Variants in XRCC4 observed in about 807,000 individuals in gnomAD.
XRCC4 encodes the protein DNA repair protein XRCC4.
Under a neutral mutation model 39.1 loss-of-function variants are expected in XRCC4, and 28 were observed. The observed-to-expected ratio is 0.72, with a 90% CI of 0.53 to 0.98. XRCC4 has a LOEUF of 0.98. Ranked by LOEUF, XRCC4 falls within the 50% of genes least tolerant of loss-of-function variation. The pLI is 0.00. For missense variants in XRCC4, 350 were observed against 376.4 expected (o/e 0.93, Z 0.58); for synonymous variants, 123 against 126.4 (o/e 0.97, Z 0.18).
rs540379211 is a variant in XRCC4, at chr5:83,341,464, G to T, written c.894-11667G>T. ...TTTCCCAATTAACAGAAATTTTAGT[G>T]TATAATATGTATATGAAAGACTAAG... is the stretch of plus-strand genomic sequence containing the variant. On this transcript the variant is annotated intron_variant, in intron 7 of 7. Coordinates refer to ENST00000396027, the MANE Select transcript of XRCC4 (RefSeq NM_003401.5). Among the ~76,000 whole-genome samples, 3 of 152,220 alleles carry T rather than the reference G, an allele frequency of 2.0e-5. No individual in the cohort carries two copies. The South Asian group carries it at 6.2e-4, about 32-fold the overall frequency.
intron 6 of XRCC4, among the ~76,000 whole-genome samples, chr5:83,227,455 G>C (rs770009106): frequency 6.6e-6 from 1 of 152,014 alleles, no homozygotes; most frequent in African/African-American, 2.4e-5. Flanking sequence ...ACATGTTGTA[G>C]TTATATACTA....
chr5:83,291,951 C>CTGTG (rs34789998), intron 7 of XRCC4, among the ~76,000 whole-genome samples: 5,674 of 143,960 alleles, frequency 0.039, 123 homozygotes, highest in Middle Eastern at 0.076. Context: ...ATGTGTATTT[C>CTGTG]TGTGTGTGTG....
chr5:83,093,876 T>G (rs561029832), intron 1 of XRCC4, among the ~76,000 whole-genome samples: 2 of 152,242 alleles, frequency 1.3e-5, no homozygotes, highest in African/African-American at 4.8e-5. Flanking sequence ...GGGTAAAGTC[T>G]TCTTGGTTGG....
intron 7 of XRCC4, among the ~76,000 whole-genome samples, chr5:83,283,827 T>A (rs1364313833): frequency 6.6e-6 from 1 of 152,092 alleles, no homozygotes; most frequent in Non-Finnish European, 1.5e-5. Flanking sequence ...CACATTGATC[T>A]AACCCCCAAA....
At chr5:83,225,227 AC>A (rs1752241922) in intron 6 of XRCC4, among the ~76,000 whole-genome samples, 1 of 152,092 alleles carries the variant, frequency 6.6e-6, no homozygotes, top group South Asian at 2.1e-4. Flanking sequence ...TCTGGTCAGT[AC>A]CTGGAGACCA....
At position 83,260,960 on chromosome 5, in the gene XRCC4, A is replaced by C. The variant is rs28360239; in HGVS notation, c.893+2283A>C. On this transcript the variant is annotated intron_variant, in intron 7 of 7. Transcript: ENST00000396027. ...TATTAAGAGAAATTTAGCATGTATCAGTCAGATGTTGAGTGGTTGATACCC... is the reference window on the plus strand; with the variant it reads ...TATTAAGAGAAATTTAGCATGTATCCGTCAGATGTTGAGTGGTTGATACCC... 3.1e-3 allele frequency among the ~76,000 whole-genome samples: 469 copies of C among 152,178 alleles called. 2 individuals carry two copies. The highest frequency in any genetic ancestry group is 0.011 in the African/African-American group (449 of 41,560).
intron 7 of XRCC4, among the ~76,000 whole-genome samples, chr5:83,271,741 G>A (rs770764821): frequency 2.0e-5 from 3 of 152,184 alleles, no homozygotes; most frequent in Non-Finnish European, 2.9e-5. Context: ...GGAGGGAAGA[G>A]AGAGAGAGAA....
chr5:83,178,084 G>T (rs1750040657), intron 3 of XRCC4, among the ~76,000 whole-genome samples: 1 of 151,986 alleles, frequency 6.6e-6, no homozygotes, highest in Non-Finnish European at 1.5e-5. Context: ...ATGGATGAGG[G>T]AGATAAGAAG....
At chr5:83,236,333 A>G (rs1314515913) in intron 6 of XRCC4, among the ~76,000 whole-genome samples, 3 of 152,212 alleles carry the variant, frequency 2.0e-5, no homozygotes, top group Admixed American at 2.0e-4. Flanking sequence ...AAATTGTAGT[A>G]ACCAAAAGAG....
the XRCC4 span, among the ~76,000 whole-genome samples, chr5:83,372,054 A>G: frequency 1.3e-5 from 2 of 152,226 alleles, no homozygotes; most frequent in African/African-American, 4.8e-5. Flanking sequence ...AACAACATAA[A>G]GGGAAACAGC....
chr5:83,361,593 T>C, the XRCC4 span, among the ~76,000 whole-genome samples: 1 of 152,088 alleles, frequency 6.6e-6, no homozygotes, highest in Non-Finnish European at 1.5e-5. Flanking sequence ...ATATTTGATT[T>C]TTACCATAAC....
At chr5:83,194,915 G>A (rs10514248) in intron 3 of XRCC4, among the ~76,000 whole-genome samples, 2,487 of 152,122 alleles carry the variant, frequency 0.016, 87 homozygotes, top group African/African-American at 0.056. Context: ...GTTCTCTTAC[G>A]GTGAAGATTT....
At chr5:83,279,291 G>A in intron 7 of XRCC4, among the ~76,000 whole-genome samples, 1 of 151,386 alleles carries the variant, frequency 6.6e-6, no homozygotes, top group Non-Finnish European at 1.5e-5. Flanking sequence ...AGGAGAAAGT[G>A]GCAAACTACT....
intron 7 of XRCC4, among the ~76,000 whole-genome samples, chr5:83,263,462 CAGTGTAAA>C (rs1753837059): frequency 1.3e-5 from 2 of 150,430 alleles, no homozygotes; most frequent in Admixed American, 1.3e-4. Flanking sequence ...GTCCCACCAA[CAGTGTAAA>C]AGTGTTCCTA....
chr5:83,275,360 T>C (rs1465400960), intron 7 of XRCC4, among the ~76,000 whole-genome samples: 1 of 149,930 alleles, frequency 6.7e-6, no homozygotes, highest in Non-Finnish European at 1.5e-5. Context: ...AGTGGCGGGA[T>C]CTCGGCTCAC....
At chr5:83,259,115 A>G (rs754150226) in intron 7 of XRCC4, 9 of 168,598 alleles carry the variant, frequency 5.3e-5, no homozygotes, top group Non-Finnish European at 1.1e-4. Flanking sequence ...AAGTTTTGGC[A>G]TTGTGTACTT....
At chr5:83,199,626 T>G (rs1169111412) in intron 4 of XRCC4, among the ~76,000 whole-genome samples, 1 of 151,820 alleles carries the variant, frequency 6.6e-6, no homozygotes, top group East Asian at 1.9e-4. Flanking sequence ...TTTTTGGTGT[T>G]ATTTCTGCAT....
chr5:83,363,480 G>C, the XRCC4 span, among the ~76,000 whole-genome samples: 2 of 152,160 alleles, frequency 1.3e-5, no homozygotes, highest in Non-Finnish European at 2.9e-5. Flanking sequence ...TAACGTGAAG[G>C]CACAACCACA....
chr5:83,081,328 T>C (rs1179201940), intron 1 of XRCC4, among the ~76,000 whole-genome samples: 3 of 152,222 alleles, frequency 2.0e-5, no homozygotes, highest in Admixed American at 2.0e-4. Context: ...ATTGTTCTGC[T>C]TTTTTCCTCT....
Sources: gnomAD v4.1 joint callset for allele counts (sites outside exome capture counted in the v4.1 genomes callset) on GRCh38, gnomAD v4.1.1 for gene constraint, MANE v1.5 for transcripts, NCBI Gene and HGNC (gene_info 2026-07-23, HGNC 2026-07-21) for gene names.